USP34: variants seen among roughly 807,000 people sequenced by gnomAD.
USP34 encodes the protein ubiquitin specific peptidase 34.
In USP34, 70 loss-of-function variants were observed where a neutral mutation model predicts 460.3. The observed-to-expected ratio is 0.15, with a 90% CI of 0.13 to 0.19. USP34 has a LOEUF of 0.19. USP34 is among the 10% of genes least tolerant of loss of function. The probability of loss-of-function intolerance (pLI) is 1.00; values close to 1 mark genes in which losing one functional copy is unlikely to be tolerated. For missense variants in USP34, 3,985 were observed against 4,236.2 expected (o/e 0.94, Z 1.65); for synonymous variants, 1,647 against 1,405.3 (o/e 1.17, Z -3.85).
At chr2:61,424,706 T>C (rs1372486528) in intron 1 of USP34, among the ~76,000 whole-genome samples, 3 of 151,840 alleles carry the variant, frequency 2.0e-5, no homozygotes, top group Non-Finnish European at 2.9e-5. Flanking sequence ...CGAGACCCCC[T>C]CTCTATTTAA....
intron 25 of USP34, among the ~76,000 whole-genome samples, chr2:61,314,301 A>T (rs529299472): frequency 1.3e-5 from 2 of 152,298 alleles, no homozygotes; most frequent in African/African-American, 4.8e-5. Flanking sequence ...TCAATACTTT[A>T]TCTTAGAGAT....
At chr2:61,256,590 T>TTA (rs1558494303) in intron 47 of USP34, 112 bp from the exon 48 acceptor site, 36 of 696,664 alleles carry the variant, frequency 5.2e-5, no homozygotes, top group African/African-American at 3.1e-4. Flanking sequence ...ATTTTTTTTT[T>TTA]AAAAGTGAAT....
chr2:61,389,642 C>A (rs1161115607), intron 5 of USP34, among the ~76,000 whole-genome samples: 1 of 152,108 alleles, frequency 6.6e-6, no homozygotes, highest in East Asian at 1.9e-4. Context: ...AGGATTATAT[C>A]ATTATAAAAA....
chr2:61,283,546 C>A, intron 35 of USP34, 97 bp from the exon 36 acceptor site: 8 of 1,343,196 alleles, frequency 6.0e-6, no homozygotes, highest in Non-Finnish European at 8.2e-6. Context: ...TATCACTTCC[C>A]CCCCAAAAAA....
At chr2:61,434,720 T>G (rs1558592245) in intron 1 of USP34, among the ~76,000 whole-genome samples, 1 of 150,662 alleles carries the variant, frequency 6.6e-6, no homozygotes, top group Non-Finnish European at 1.5e-5. Flanking sequence ...TAAGATCCAC[T>G]TATATAAATT....
chr2:61,360,371 A>C (rs546198150), intron 10 of USP34, among the ~76,000 whole-genome samples: 32 of 152,302 alleles, frequency 2.1e-4, no homozygotes, highest in South Asian at 4.1e-4. Context: ...AAGTTAATAT[A>C]AAAAAATCAG....
intron 5 of USP34, among the ~76,000 whole-genome samples, chr2:61,385,150 CA>C (rs1346508567): frequency 7.9e-5 from 12 of 151,972 alleles, no homozygotes; most frequent in Non-Finnish European, 1.6e-4. Context: ...AGAACAGTAT[CA>C]AAAATATCAT....
At chr2:61,236,462 C>A in intron 53 of USP34, 73 bp from the exon 54 acceptor site, 1 of 1,143,470 alleles carries the variant, frequency 8.7e-7, no homozygotes. Context: ...TTTTATTAGA[C>A]AAAAAGTCTC....
intron 62 of USP34, among the ~76,000 whole-genome samples, chr2:61,225,080 A>G (rs933032699): frequency 6.6e-6 from 1 of 152,210 alleles, no homozygotes; most frequent in African/African-American, 2.4e-5. Context: ...GTCTTTTCAG[A>G]AAACAGTGGT....
chr2:61,433,539 C>G (rs141197428), intron 1 of USP34, among the ~76,000 whole-genome samples: 1,648 of 152,184 alleles, frequency 0.011, 32 homozygotes, highest in African/African-American at 0.037. Context: ...GAGGCTGAGG[C>G]AGGAGAATCA....
chr2:61,321,588 A>C (rs1428056455), intron 21 of USP34, among the ~76,000 whole-genome samples: 2 of 152,230 alleles, frequency 1.3e-5, no homozygotes, highest in African/African-American at 2.4e-5. Context: ...CAGAAACACC[A>C]ATATAGCCAG....
At chr2:61,252,363 G>A (rs1464059095) in intron 48 of USP34, among the ~76,000 whole-genome samples, 1 of 151,184 alleles carries the variant, frequency 6.6e-6, no homozygotes, top group East Asian at 1.9e-4. Flanking sequence ...TCAGTTAAGT[G>A]TCAATTGCTG....
intron 20 of USP34, among the ~76,000 whole-genome samples, chr2:61,325,904 A>G (rs1278292422): frequency 6.6e-6 from 1 of 152,218 alleles, no homozygotes; most frequent in East Asian, 1.9e-4. Flanking sequence ...AGTTCATGAA[A>G]AGTAGAGCTG....
chr2:61,305,644 T>C (rs1690379262), intron 27 of USP34, among the ~76,000 whole-genome samples: 2 of 152,122 alleles, frequency 1.3e-5, no homozygotes, highest in East Asian at 3.9e-4. Flanking sequence ...ATTGCTAACC[T>C]TTTCTAAGTT....
intron 16 of USP34, among the ~76,000 whole-genome samples, chr2:61,340,434 A>C (rs1691556805): frequency 6.6e-6 from 1 of 152,180 alleles, no homozygotes; most frequent in African/African-American, 2.4e-5. Context: ...GATTGACATC[A>C]CTGAGTCATA....
intron 10 of USP34, among the ~76,000 whole-genome samples, chr2:61,363,651 T>C (rs887956240): frequency 1.3e-5 from 2 of 152,218 alleles, no homozygotes; most frequent in Non-Finnish European, 2.9e-5. Context: ...GGGAACACTG[T>C]TGTATATGTA....
intron 58 of USP34, 27 bp downstream of exon 58, chr2:61,232,425 A>AT: frequency 6.5e-7 from 1 of 1,548,748 alleles, no homozygotes; most frequent in Non-Finnish European, 8.9e-7. Flanking sequence ...TTTCCAAATA[A>AT]TTTTTTTCAA....
At chr2:61,406,953 T>A (rs1428102856) in intron 2 of USP34, among the ~76,000 whole-genome samples, 1 of 151,932 alleles carries the variant, frequency 6.6e-6, no homozygotes, top group Non-Finnish European at 1.5e-5. Context: ...GAGGCTGTAG[T>A]GAGCCAAGAT....
intron 25 of USP34, among the ~76,000 whole-genome samples, chr2:61,314,277 CT>C (rs1230038737): frequency 2.0e-5 from 3 of 151,816 alleles, no homozygotes; most frequent in Admixed American, 2.0e-4. Flanking sequence ...GGTGTTCTGC[CT>C]TTTTAATCAA....
Sources: allele counts gnomAD v4.1 joint callset (sites outside exome capture counted in the v4.1 genomes callset), GRCh38; gene constraint gnomAD v4.1.1; transcripts MANE v1.5; gene names NCBI Gene and HGNC (gene_info 2026-07-23, HGNC 2026-07-21).